SMURF1: variants seen among roughly 807,000 people sequenced by gnomAD.
SMURF1 encodes SMAD specific E3 ubiquitin protein ligase 1.
A neutral mutation model predicts 98.0 loss-of-function variants in SMURF1; 44 were observed. That is an observed-to-expected ratio of 0.45 (90% confidence interval 0.35 to 0.58). The LOEUF (loss-of-function observed/expected upper bound fraction) is 0.58, where lower values mean the gene tolerates loss of function less well. SMURF1 is among the 20% of genes least tolerant of loss of function. The probability of loss-of-function intolerance (pLI) is 0.00; values close to 1 mark genes in which losing one functional copy is unlikely to be tolerated. For missense variants in SMURF1, 687 were observed against 938.4 expected, an observed-to-expected ratio of 0.73 and a Z score of 3.50; for synonymous variants, 396 against 374.9, an observed-to-expected ratio of 1.06 and a Z score of -0.65.
At chr7:99,036,662 A>G (rs1421891133) in intron 15 of SMURF1, among the ~76,000 whole-genome samples, 2 of 152,128 alleles carry the variant, frequency 1.3e-5, no homozygotes, top group East Asian at 1.9e-4. Context: ...TGCATGCAGT[A>G]TGACTAGAGA....
chr7:99,123,431 G>T (rs1455086290), intron 1 of SMURF1, among the ~76,000 whole-genome samples: 1 of 152,036 alleles, frequency 6.6e-6, no homozygotes, highest in Non-Finnish European at 1.5e-5. Flanking sequence ...TACTCAGGAG[G>T]CCAACGTGGG....
chr7:99,121,791 A>G (rs1346010487), intron 1 of SMURF1, among the ~76,000 whole-genome samples: 1 of 152,212 alleles, frequency 6.6e-6, no homozygotes, highest in African/African-American at 2.4e-5. Flanking sequence ...AAATCATAGC[A>G]GTCTGGAAAC....
At chr7:99,047,972 G>A (rs577287605) in intron 9 of SMURF1, 90 bp from the exon 10 acceptor site, 841 of 1,192,600 alleles carry the variant, frequency 7.1e-4, no homozygotes, top group Non-Finnish European at 9.5e-4. Context: ...AGAGGAGAGA[G>A]CTAGCTGCAC....
chr7:99,104,813 CA>C (rs2150595003), intron 1 of SMURF1, among the ~76,000 whole-genome samples: 1 of 152,318 alleles, frequency 6.6e-6, no homozygotes, highest in African/African-American at 2.4e-5. Flanking sequence ...TCCCACATTA[CA>C]GTGGCAATGA....
At chr7:99,031,708 C>T (rs547391686) in intron 17 of SMURF1, among the ~76,000 whole-genome samples, 4 of 152,354 alleles carry the variant, frequency 2.6e-5, no homozygotes, top group African/African-American at 9.6e-5. Flanking sequence ...TGCATTACCC[C>T]ATTTCACAGG....
intron 1 of SMURF1, among the ~76,000 whole-genome samples, chr7:99,133,388 A>G (rs1797916172): frequency 6.6e-6 from 1 of 152,094 alleles, no homozygotes. Flanking sequence ...TCAAAATTAA[A>G]AAAGAAAAAA....
At position 99,060,304 on chromosome 7, in the gene SMURF1, G is replaced by A. The variant is rs577909231; in HGVS notation, c.203+295C>T. On this transcript the variant is annotated intron_variant, in intron 3 of 17. Coordinates refer to ENST00000361368, the MANE Select transcript of SMURF1 (RefSeq NM_181349.3). ...TGAGGTAGGAGAATCACTTGTACCCGGGAGGCGGAGGTTGCAGTGAGCTGA... is the reference window on the plus strand; with the variant it reads ...TGAGGTAGGAGAATCACTTGTACCCAGGAGGCGGAGGTTGCAGTGAGCTGA... 4.5e-4 allele frequency among the ~76,000 whole-genome samples: 68 copies of A among 151,066 alleles called. 1 individual carries two copies. Among genetic ancestry groups the A allele is most frequent in the Non-Finnish European group, 5.5e-4 (37 of 67,758 alleles).
At chr7:99,035,106 G>A (rs1166711065) in intron 16 of SMURF1, among the ~76,000 whole-genome samples, 1 of 152,244 alleles carries the variant, frequency 6.6e-6, no homozygotes, top group Non-Finnish European at 1.5e-5. Context: ...CTTTCGGTGT[G>A]GTTGGTGGCT....
chr7:99,076,103 G>A (rs868003249), intron 1 of SMURF1, among the ~76,000 whole-genome samples: 1 of 151,932 alleles, frequency 6.6e-6, no homozygotes, highest in Non-Finnish European at 1.5e-5. Context: ...ATGGGGTCTC[G>A]CAATGTTGCC....
At chr7:99,120,480 C>G (rs377643424) in intron 1 of SMURF1, among the ~76,000 whole-genome samples, 1 of 152,168 alleles carries the variant, frequency 6.6e-6, no homozygotes. Flanking sequence ...CCACTTCCAT[C>G]AGATTACCAC....
chr7:99,099,671 T>C (rs913319022), intron 1 of SMURF1, among the ~76,000 whole-genome samples: 2 of 152,134 alleles, frequency 1.3e-5, no homozygotes, highest in Non-Finnish European at 2.9e-5. Flanking sequence ...CTCTCATGAA[T>C]AGATTAATGC....
chr7:99,134,843 T>A (rs1797954479), intron 1 of SMURF1, among the ~76,000 whole-genome samples: 1 of 152,204 alleles, frequency 6.6e-6, no homozygotes, highest in African/African-American at 2.4e-5. Flanking sequence ...AAGAACTCAC[T>A]ATATAAACAA....
chr7:99,135,156 A>G (rs1337549549), intron 1 of SMURF1, among the ~76,000 whole-genome samples: 1 of 152,230 alleles, frequency 6.6e-6, no homozygotes, highest in African/African-American at 2.4e-5. Flanking sequence ...CTACATTTCA[A>G]AACAATTGGC....
chr7:99,040,234 CT>C (rs35083915), intron 13 of SMURF1, 143 bp downstream of exon 13: 116,112 of 944,138 alleles, frequency 0.12, 17,583 homozygotes, highest in African/African-American at 0.67. Flanking sequence ...AAAAAATCCC[CT>C]TTTTTTGTTT....
Position 99,057,439 on chromosome 7 carries a change from T to A in SMURF1, c.316A>T (p.Ser106Cys). The A allele has an allele frequency of 1.9e-6, 3 of 1,609,728 alleles. No individual in the cohort carries two copies. Among genetic ancestry groups the A allele is most frequent in the Non-Finnish European group, 2.5e-6 (3 of 1,179,062 alleles). ...TTACATCCGGTATCTTTTAATCTGC[T>A]GATGGCATTGGAGAGCAGCCGCACA... ...GCVRLLSNAI[S>C]RLKDTGYQRL... Residue 106 changes from serine (S) to cysteine (C), a missense_variant, in exon 4 of 18, where the codon AGC becomes TGC. Around this residue, in one of 2 missense-constraint regions of SMURF1, gnomAD observed 415 missense variants for 508.4 expected, o/e 0.82. Coordinates refer to ENST00000361368, the MANE Select transcript of SMURF1 (RefSeq NM_181349.3).
Position 99,046,678 on chromosome 7 carries a change from G to C in SMURF1, c.1153-877C>G, listed in dbSNP as rs2150519741. Among the ~76,000 whole-genome samples, 3 of 138,132 alleles carry C rather than the reference G, an allele frequency of 2.2e-5. No homozygotes were observed. The South Asian group carries it at 7.2e-4, about 33-fold the overall frequency. The allele number at this position is 138,132 out of a possible 152,430, so 90.6% of individuals were successfully genotyped here. ...ACCTGGGAGTCAGAGGTTGCAGTGA[G>C]CCGAGATCATGCCGCTGCACTCCAG... On this transcript the variant is annotated intron_variant, in intron 10 of 17. Coordinates refer to ENST00000361368, the MANE Select transcript of SMURF1 (RefSeq NM_181349.3).
chr7:99,088,301 C>T (rs944030760), intron 1 of SMURF1, among the ~76,000 whole-genome samples: 60 of 151,778 alleles, frequency 4.0e-4, no homozygotes, highest in African/African-American at 1.3e-3. Flanking sequence ...CCCCTTGGAT[C>T]GAACTACTGA....
chr7:99,119,472 C>T (rs1026493208), intron 1 of SMURF1, among the ~76,000 whole-genome samples: 5 of 152,108 alleles, frequency 3.3e-5, no homozygotes, highest in African/African-American at 1.2e-4. Context: ...AGAAAGAAAA[C>T]ACTGGGAATG....
intron 3 of SMURF1, among the ~76,000 whole-genome samples, chr7:99,058,819 T>G (rs1415145528): frequency 6.6e-6 from 1 of 152,254 alleles, no homozygotes. Flanking sequence ...CCAGGTGCAG[T>G]GGCTCACGCC....
Sources: allele counts gnomAD v4.1 joint callset (sites outside exome capture counted in the v4.1 genomes callset), GRCh38; gene constraint gnomAD v4.1.1; regional missense constraint gnomAD v4.1.1; transcripts MANE v1.5; gene names NCBI Gene and HGNC (gene_info 2026-07-23, HGNC 2026-07-21).